CORO2B: variants seen among roughly 807,000 people sequenced by gnomAD.
CORO2B encodes coronin 2B, also known as coronin-2B.
In CORO2B, 26 loss-of-function variants were observed where a neutral mutation model predicts 58.8. That is an observed-to-expected ratio of 0.44 (90% CI 0.32 to 0.61). The LOEUF is 0.61. Among genes scored for constraint, CORO2B ranks in the 20% least tolerant of loss-of-function variants. The pLI is 0.04. For synonymous variants in CORO2B, 242 were observed against 253.8 expected (o/e 0.95, Z 0.44); for missense variants, 460 against 645.1 (o/e 0.71, Z 3.11).
At chr15:68,667,919 C>T (rs17278757) in intron 2 of CORO2B, among the ~76,000 whole-genome samples, 26,122 of 152,154 alleles carry the variant, frequency 0.17, 2,599 homozygotes, top group Middle Eastern at 0.23. Context: ...TTATTACTCC[C>T]GAAAGCCTTG....
rs995432815 is a variant in CORO2B, at chr15:68,630,134, G to A, written c.16-15026G>A. Among the ~76,000 whole-genome samples, 8 of 152,156 alleles carry A rather than the reference G, an allele frequency of 5.3e-5. No homozygotes were observed. In the East Asian group the frequency reaches 7.7e-4, roughly 15 times the overall value. On this transcript the variant is annotated intron_variant, in intron 1 of 11. Coordinates refer to ENST00000261861, the MANE Select transcript of CORO2B (RefSeq NM_006091.5). ...GTTTTCCTCTCCACCCCTCTTCCTC[G>A]TGGCTTCTGTAGCAATGACAGCATT...
At chr15:68,643,733 C>T (rs1207779036) in intron 1 of CORO2B, among the ~76,000 whole-genome samples, 1 of 152,160 alleles carries the variant, frequency 6.6e-6, no homozygotes, top group Non-Finnish European at 1.5e-5. Context: ...TAGCTCATGG[C>T]TTGATTTAAA....
In CORO2B at chr15:68,708,323, A is replaced by C. The variant is rs116458895; in HGVS notation, c.334-2409A>C. ...CCCAGTTCCTAGCCTTGCTCCCAGG[A>C]CTTCTGGTCTGCCTTTGGCTTTCTT... On this transcript the variant is annotated intron_variant, in intron 3 of 11. Coordinates refer to ENST00000261861, the MANE Select transcript of CORO2B (RefSeq NM_006091.5). Among the ~76,000 whole-genome samples, 3 of 149,280 alleles carry C rather than the reference A, an allele frequency of 2.0e-5. No individual in the cohort carries two copies. In the South Asian group the frequency reaches 6.4e-4, roughly 32 times the overall value.
In CORO2B at chr15:68,645,176, A is replaced by G. The variant is rs766445795; in HGVS notation, c.32A>G (p.Gln11Arg). Residue 11 changes from glutamine (Q) to arginine (R), a missense_variant, in exon 2 of 12, where the codon CAA (glutamine) becomes CGA (arginine). By Grantham distance (43) the Gln-to-Arg change is conservative. Around this residue, in one of 2 missense-constraint regions of CORO2B, gnomAD observed 352 missense variants for 543.0 expected, o/e 0.65. Transcript: ENST00000261861. This position sits in a 1 kb window ranked among gnomAD's most constrained non-coding sequence, Gnocchi z 4.5. ...CCCTCACAGATGTCCTGGCGTCCGC[A>G]ATACCGTAGCTCCAAGTTCCGGAAT... MTVTKMSWRP[Q>R]YRSSKFRNVY... 3.7e-6 allele frequency: 6 copies of G among 1,614,082 alleles called. No homozygotes were observed. In the Admixed American group the frequency reaches 1.0e-4, roughly 27 times the overall value.
chr15:68,581,266 A>G, intron 1 of CORO2B, among the ~76,000 whole-genome samples: 1 of 151,972 alleles, frequency 6.6e-6, no homozygotes, highest in East Asian at 1.9e-4. Flanking sequence ...TGCTCTAACC[A>G]ATGTGGCTTT....
the CORO2B span, among the ~76,000 whole-genome samples, chr15:68,527,606 C>T: frequency 1.3e-5 from 2 of 152,112 alleles, no homozygotes; most frequent in Admixed American, 6.5e-5. Flanking sequence ...TAATATAAGT[C>T]CTCCAACTTT....
chr15:68,530,266 A>C, the CORO2B span, among the ~76,000 whole-genome samples: 1 of 152,112 alleles, frequency 6.6e-6, no homozygotes, highest in Admixed American at 6.6e-5. Flanking sequence ...CGGAGCTTGC[A>C]GTGAGCCAAG....
At chr15:68,553,863 G>A in the CORO2B span, among the ~76,000 whole-genome samples, 23 of 152,356 alleles carry the variant, frequency 1.5e-4, no homozygotes, top group East Asian at 2.5e-3. Flanking sequence ...CTTACAAGCC[G>A]TGATGAAGAG....
At chr15:68,715,034 C>T (rs935187087) in intron 7 of CORO2B, among the ~76,000 whole-genome samples, 181 bp from the exon 8 acceptor site, 2 of 152,178 alleles carry the variant, frequency 1.3e-5, no homozygotes, top group African/African-American at 4.8e-5. Flanking sequence ...ACCTCCACCT[C>T]TCCACCCGCA....
intron 1 of CORO2B, among the ~76,000 whole-genome samples, chr15:68,624,795 G>A (rs932268825): frequency 3.3e-5 from 5 of 151,674 alleles, no homozygotes; most frequent in Non-Finnish European, 5.9e-5. Context: ...TGATTCTCTT[G>A]CCTCAGCCTC....
intron 3 of CORO2B, among the ~76,000 whole-genome samples, chr15:68,696,251 A>G (rs1892507583): frequency 7.0e-6 from 1 of 142,150 alleles, no homozygotes; most frequent in African/African-American, 2.7e-5. Flanking sequence ...CACTGTCTCA[A>G]AAAAAAAAAA....
At chr15:68,690,653 T>TC (rs1567010154) in intron 2 of CORO2B, among the ~76,000 whole-genome samples, 5 of 148,536 alleles carry the variant, frequency 3.4e-5, no homozygotes, top group Non-Finnish European at 4.5e-5. Flanking sequence ...TTTCTTTTTT[T>TC]TTTTTTTTTT....
the CORO2B span, among the ~76,000 whole-genome samples, chr15:68,543,938 A>T: frequency 6.6e-6 from 1 of 151,916 alleles, no homozygotes; most frequent in Non-Finnish European, 1.5e-5. Flanking sequence ...CCTGGCCCTT[A>T]CCTCTCTCAA....
intron 2 of CORO2B, among the ~76,000 whole-genome samples, chr15:68,685,970 C>T (rs1902957088): frequency 6.7e-6 from 1 of 150,130 alleles, no homozygotes; most frequent in South Asian, 2.1e-4. Flanking sequence ...AACTGAGCTG[C>T]CGCCGACCCC....
chr15:68,656,684 C>A (rs1409817362), intron 2 of CORO2B, among the ~76,000 whole-genome samples: 2 of 152,178 alleles, frequency 1.3e-5, no homozygotes, highest in Non-Finnish European at 2.9e-5. Flanking sequence ...AGGCAGTGTG[C>A]CCAGTGATTA....
At chr15:68,566,562 T>C in the CORO2B span, among the ~76,000 whole-genome samples, 2 of 152,148 alleles carry the variant, frequency 1.3e-5, no homozygotes, top group African/African-American at 2.4e-5. Context: ...CCCGGCGGAC[T>C]CTTCATGGTC....
intron 5 of CORO2B, among the ~76,000 whole-genome samples, chr15:68,712,023 C>T (rs1892931880): frequency 6.6e-6 from 1 of 152,140 alleles, no homozygotes; most frequent in South Asian, 2.1e-4. Flanking sequence ...TTACCCAGGT[C>T]CACCACAGGC....
At chr15:68,637,350 T>C (rs1901062098) in intron 1 of CORO2B, among the ~76,000 whole-genome samples, 2 of 152,222 alleles carry the variant, frequency 1.3e-5, no homozygotes, top group Non-Finnish European at 2.9e-5. Context: ...TGGAAACATG[T>C]GCTGTGTTCC....
chr15:68,544,561 G>A, the CORO2B span, among the ~76,000 whole-genome samples: 389 of 152,284 alleles, frequency 2.6e-3, no homozygotes, highest in African/African-American at 8.9e-3. Flanking sequence ...TCCTGATGCA[G>A]TCAACTTACC....
Sources: gnomAD v4.1 joint callset for allele counts (sites outside exome capture counted in the v4.1 genomes callset) on GRCh38, gnomAD v4.1.1 for gene constraint, gnomAD v4.1.1 regional missense constraint, Gnocchi (gnomAD v3.1) non-coding constraint, MANE v1.5 for transcripts, NCBI Gene and HGNC (gene_info 2026-07-23, HGNC 2026-07-21) for gene names.